Variants in CPNE4 observed in about 807,000 individuals in gnomAD.
The protein encoded by CPNE4 is copine 4.
In CPNE4, 25 loss-of-function variants were observed where a neutral mutation model predicts 67.9. The observed-to-expected ratio is 0.37, with a 90% CI of 0.27 to 0.51. The LOEUF (loss-of-function observed/expected upper bound fraction) is 0.51, where lower values mean the gene tolerates loss of function less well. CPNE4 is among the 20% of genes least tolerant of loss of function. The probability of loss-of-function intolerance (pLI) is 0.93; values close to 1 mark genes in which losing one functional copy is unlikely to be tolerated. For synonymous variants in CPNE4, 242 were observed against 244.9 expected, an observed-to-expected ratio of 0.99 and a Z score of 0.11; for missense variants, 464 against 690.8, an observed-to-expected ratio of 0.67 and a Z score of 3.68.
intron 7 of CPNE4, among the ~76,000 whole-genome samples, chr3:131,625,517 C>T (rs73001207): frequency 3.3e-5 from 5 of 151,810 alleles, no homozygotes; most frequent in Admixed American, 2.0e-4. Flanking sequence ...CTATGCAGAA[C>T]GGGACAGTAA....
At chr3:131,942,480 G>C (rs1317042262) in intron 1 of CPNE4, among the ~76,000 whole-genome samples, 2 of 94,658 alleles carry the variant, frequency 2.1e-5, no homozygotes, top group African/African-American at 6.8e-5. Flanking sequence ...GAGAGAGAGA[G>C]AGAGAGAGAG....
At position 132,005,356 on chromosome 3, in the gene CPNE4, CACACACACACACACACAT is replaced by C. The variant is rs1348642757; in HGVS notation, c.-2+29193_-2+29210del. Among the ~76,000 whole-genome samples the C allele has an allele frequency of 4.7e-5, 4 of 84,306 alleles. 1 individual carries two copies. The highest frequency in any genetic ancestry group is 9.5e-5 in the Non-Finnish European group (4 of 42,100). 55.3% of individuals were successfully genotyped at this position (84,306 alleles called of 152,430 possible). A position where few individuals can be genotyped will look rare whatever the true frequency, so the allele number is the denominator to read the frequency against. ...ATATATATATATACACACACACACA[CACACACACACACACACAT>C]ATATGTTTATATTTCTATCATATAT... On this transcript the variant is annotated intron_variant, in intron 1 of 15. Transcript: ENST00000429747.
intron 1 of CPNE4, among the ~76,000 whole-genome samples, chr3:131,988,316 T>G (rs1053709263): frequency 3.3e-5 from 5 of 152,154 alleles, no homozygotes; most frequent in African/African-American, 1.2e-4. Context: ...ATGAGCCAGG[T>G]TAAGGATTCT....
At chr3:131,769,805 C>G (rs2083118460) in intron 2 of CPNE4, among the ~76,000 whole-genome samples, 1 of 152,042 alleles carries the variant, frequency 6.6e-6, no homozygotes, top group South Asian at 2.1e-4. Context: ...GATTTTTTGT[C>G]TATCCCACCT....
chr3:131,719,032 C>T (rs907823568), intron 3 of CPNE4, among the ~76,000 whole-genome samples: 1 of 152,202 alleles, frequency 6.6e-6, no homozygotes, highest in African/African-American at 2.4e-5. Context: ...ACCTGGCTGA[C>T]AATATGAGAG....
intron 2 of CPNE4, among the ~76,000 whole-genome samples, chr3:131,805,459 T>A (rs1007652374): frequency 6.6e-6 from 1 of 152,188 alleles, no homozygotes; most frequent in Non-Finnish European, 1.5e-5. Flanking sequence ...ACAACAAATT[T>A]AAAGGTATTA....
chr3:131,882,921 G>GATCCGTCC (rs2087736579), intron 2 of CPNE4, among the ~76,000 whole-genome samples: 4 of 152,004 alleles, frequency 2.6e-5, no homozygotes, highest in African/African-American at 9.7e-5. Context: ...GTTTCACCAT[G>GATCCGTCC]TTAGCCAGGA....
rs116333896 is a variant in CPNE4, at chr3:131,587,447, C to T, written c.780+37G>A. 1,793 of 1,388,428 alleles carry T rather than the reference C, an allele frequency of 1.3e-3. 20 individuals are homozygous for T. In the African/African-American group the frequency reaches 0.022, roughly 17 times the overall value. The allele number at this position is 1,388,428 out of a possible 1,614,324, so 86.0% of individuals were successfully genotyped here. ...GCTGTGTTCTAAGGATGCATCATAC[C>T]GACTGGAGGCAAAACCAAAAGTGGT... On this transcript the variant is annotated intron_variant, in intron 8 of 15. Transcript: ENST00000429747.
chr3:131,963,924 T>C (rs1360825512), intron 1 of CPNE4, among the ~76,000 whole-genome samples: 1 of 152,144 alleles, frequency 6.6e-6, no homozygotes, highest in African/African-American at 2.4e-5. Flanking sequence ...CGTGCCTCCT[T>C]ACTAGGAGAT....
intron 1 of CPNE4, among the ~76,000 whole-genome samples, chr3:131,987,325 C>G (rs2073077526): frequency 6.6e-6 from 1 of 151,004 alleles, no homozygotes; most frequent in Non-Finnish European, 1.5e-5. Flanking sequence ...GAAAAGGTAA[C>G]AAAATTGACA....
chr3:132,009,524 G>T (rs994707654), intron 1 of CPNE4, among the ~76,000 whole-genome samples: 12 of 152,318 alleles, frequency 7.9e-5, no homozygotes, highest in African/African-American at 2.6e-4. Flanking sequence ...TCCCCAGGAA[G>T]CTCCAGGTTC....
intron 6 of CPNE4, among the ~76,000 whole-genome samples, chr3:131,681,423 T>C (rs2080751766): frequency 6.6e-6 from 1 of 152,242 alleles, no homozygotes; most frequent in Non-Finnish European, 1.5e-5. Flanking sequence ...ACAAGTTTTT[T>C]CCTTCAGCAC....
At chr3:132,002,546 C>T (rs1007676478) in intron 1 of CPNE4, among the ~76,000 whole-genome samples, 1 of 152,070 alleles carries the variant, frequency 6.6e-6, no homozygotes, top group Admixed American at 6.6e-5. Flanking sequence ...CTTTATTAAG[C>T]ATTTGTCTGC....
chr3:131,613,963 A>C (rs1939996576), intron 7 of CPNE4, among the ~76,000 whole-genome samples: 1 of 152,200 alleles, frequency 6.6e-6, no homozygotes. Flanking sequence ...AACTTAATTA[A>C]GAGTTTGGTG....
intron 2 of CPNE4, among the ~76,000 whole-genome samples, chr3:131,799,429 T>C (rs969290323): frequency 7.2e-5 from 11 of 152,162 alleles, no homozygotes; most frequent in African/African-American, 2.7e-4. Context: ...GCCTACCCTA[T>C]GGGCAAGAGT....
chr3:131,556,323 C>A (rs562210661), intron 11 of CPNE4, among the ~76,000 whole-genome samples: 69 of 152,152 alleles, frequency 4.5e-4, no homozygotes, highest in African/African-American at 1.5e-3. Context: ...CTGCAGTGAG[C>A]TAAGAATGCA....
chr3:131,537,172 T>TAA (rs112300409), intron 15 of CPNE4, among the ~76,000 whole-genome samples: 6,003 of 152,156 alleles, frequency 0.039, 290 homozygotes, highest in African/African-American at 0.11. Flanking sequence ...ACAGGAGTAG[T>TAA]AAAAGTATTA....
Position 131,581,584 on chromosome 3 carries a change from A to G in CPNE4, c.862T>C (p.Cys288Arg). The change falls in exon 9 of 16, where the codon TGC (cysteine) becomes CGC (arginine). Residue 288 changes from cysteine to arginine, a missense_variant. This residue lies in a region of CPNE4 where 201 missense variants were observed against 357.7 expected (regional missense o/e 0.56). Coordinates refer to ENST00000429747, the MANE Select transcript of CPNE4 (RefSeq NM_130808.3). ...KNSGTVILNL[C>R]KIHKMHSFLD... ...AGAGAGGGTTGTGTACATACCTTGC[A>G]CAGATTCAGAATCACAGTGCCTGAG... 1 of 1,610,336 alleles carries G rather than the reference A, an allele frequency of 6.2e-7. No individual in the cohort carries two copies. Among genetic ancestry groups the G allele is most frequent in the Non-Finnish European group, 8.5e-7 (1 of 1,176,616 alleles).
intron 1 of CPNE4, among the ~76,000 whole-genome samples, chr3:131,979,876 G>A (rs531336027): frequency 6.6e-6 from 1 of 152,136 alleles, no homozygotes; most frequent in African/African-American, 2.4e-5. Flanking sequence ...AGCAGTTCTT[G>A]TAGGGGTGGC....
Sources: gnomAD v4.1 joint callset for allele counts (sites outside exome capture counted in the v4.1 genomes callset) on GRCh38, gnomAD v4.1.1 for gene constraint, gnomAD v4.1.1 regional missense constraint, MANE v1.5 for transcripts, NCBI Gene and HGNC (gene_info 2026-07-23, HGNC 2026-07-21) for gene names.